Variants in SGCZ observed in about 807,000 individuals in gnomAD.
SGCZ encodes sarcoglycan zeta.
In SGCZ, 40 loss-of-function variants were observed where a neutral mutation model predicts 41.3. The observed-to-expected ratio is 0.97, with a 90% confidence interval of 0.75 to 1.26. The LOEUF (loss-of-function observed/expected upper bound fraction) is 1.26. Ranked by LOEUF, SGCZ falls within the 50% of genes most tolerant of loss-of-function variation. The probability of loss-of-function intolerance (pLI) is 0.00; values close to 1 mark genes in which losing one functional copy is unlikely to be tolerated. For synonymous variants in SGCZ, 206 were observed against 137.5 expected, an observed-to-expected ratio of 1.50 and a Z score of -3.49; for missense variants, 552 against 369.8, an observed-to-expected ratio of 1.49 and a Z score of -4.04.
intron 4 of SGCZ, among the ~76,000 whole-genome samples, chr8:14,219,086 G>A (rs1806099718): frequency 6.6e-6 from 1 of 152,222 alleles, no homozygotes; most frequent in Non-Finnish European, 1.5e-5. Context: ...CTTTTGAAGT[G>A]CCCTCTTACT....
chr8:14,443,131 C>T (rs1319565646), intron 2 of SGCZ, among the ~76,000 whole-genome samples: 1 of 151,266 alleles, frequency 6.6e-6, no homozygotes, highest in African/African-American at 2.4e-5. Flanking sequence ...TCAAGGAGAA[C>T]CACAAACCAC....
intron 1 of SGCZ, among the ~76,000 whole-genome samples, chr8:14,785,956 T>C (rs910901571): frequency 9.9e-5 from 15 of 151,974 alleles, no homozygotes; most frequent in Admixed American, 6.6e-4. Context: ...AAAAAACTTA[T>C]CTCCAAAAAA....
chr8:14,099,234 G>T (rs781388406), intron 7 of SGCZ, among the ~76,000 whole-genome samples: 2 of 152,094 alleles, frequency 1.3e-5, no homozygotes, highest in Non-Finnish European at 2.9e-5. Context: ...CAGTGACGCT[G>T]TTCACTTTCC....
intron 4 of SGCZ, among the ~76,000 whole-genome samples, chr8:14,181,919 T>C (rs995816201): frequency 6.6e-6 from 1 of 152,198 alleles, no homozygotes; most frequent in African/African-American, 2.4e-5. Context: ...CACCTTAAAT[T>C]ATTTGTTAAC....
chr8:15,184,052 TA>T (rs1385669398), intron 1 of SGCZ, among the ~76,000 whole-genome samples: 3 of 152,188 alleles, frequency 2.0e-5, no homozygotes, highest in African/African-American at 7.2e-5. Context: ...AGTGCTGAAA[TA>T]ATATATTTTT....
rs62498390 is a variant in SGCZ, at chr8:14,506,731, G to A, written c.234+48001C>T. On this transcript the variant is annotated intron_variant, in intron 2 of 7. Transcript: ENST00000382080. ...TGGCTTTTATGTTACTAAATTGAATGGTCCATCTCAGCGTTCTTTTTTTAT... is the reference window on the plus strand; with the variant it reads ...TGGCTTTTATGTTACTAAATTGAATAGTCCATCTCAGCGTTCTTTTTTTAT... Among the ~76,000 whole-genome samples, 881 of 152,228 alleles carry A rather than the reference G, an allele frequency of 5.8e-3. 9 individuals carry two copies. The highest frequency in any genetic ancestry group is 0.02 in the South Asian group (97 of 4,828).
intron 4 of SGCZ, among the ~76,000 whole-genome samples, chr8:14,231,421 A>G (rs969552): frequency 0.99 from 151,274 of 152,062 alleles, 75,251 homozygotes; most frequent in East Asian, 1. Context: ...TTTCAGAAAC[A>G]AACAGGTCCA....
At chr8:14,730,904 T>G (rs1255704458) in intron 1 of SGCZ, among the ~76,000 whole-genome samples, 2 of 151,810 alleles carry the variant, frequency 1.3e-5, no homozygotes, top group African/African-American at 4.9e-5. Context: ...GGACAGGATG[T>G]GGAGAAAGAG....
At chr8:14,117,226 G>A (rs1802550484) in intron 5 of SGCZ, among the ~76,000 whole-genome samples, 1 of 152,064 alleles carries the variant, frequency 6.6e-6, no homozygotes, top group Non-Finnish European at 1.5e-5. Context: ...CTTCTGATAA[G>A]TCAGAGGTAA....
Position 15,197,531 on chromosome 8 carries a change from C to T in SGCZ, c.39+40054G>A, listed in dbSNP as rs472685. Among the ~76,000 whole-genome samples, 410 of 152,184 alleles carry T rather than the reference C, an allele frequency of 2.7e-3. 3 individuals are homozygous for T. Among genetic ancestry groups the T allele is most frequent in the African/African-American group, 9.2e-3 (383 of 41,518 alleles). ...AATTCTCAGTTGCAAATAATAGAAACTGAAGCAGAAAGGAATTTATTGGAA... is the reference window on the plus strand; with the variant it reads ...AATTCTCAGTTGCAAATAATAGAAATTGAAGCAGAAAGGAATTTATTGGAA... On this transcript the variant is annotated intron_variant, in intron 1 of 7. Transcript: ENST00000382080.
chr8:14,763,556 T>C (rs561264071), intron 1 of SGCZ, among the ~76,000 whole-genome samples: 2 of 152,274 alleles, frequency 1.3e-5, no homozygotes, highest in Non-Finnish European at 2.9e-5. Context: ...AGTGTCTTTA[T>C]TATTCAAAAA....
Position 14,938,269 on chromosome 8 carries a change from A to T in SGCZ, c.39+299316T>A, listed in dbSNP as rs1039962548. Reference sequence around the variant, plus strand: ...TAGAGGAAGATATGGATTCAAAAATAAATATGCAGTTGGCCCTTGAACAAC... The same window carrying T: ...TAGAGGAAGATATGGATTCAAAAATTAATATGCAGTTGGCCCTTGAACAAC... On this transcript the variant is annotated intron_variant, in intron 1 of 7. Transcript: ENST00000382080. Among the ~76,000 whole-genome samples, 3 of 152,276 alleles carry T rather than the reference A, an allele frequency of 2.0e-5. No individual in the cohort carries two copies. In the East Asian group the frequency reaches 5.8e-4, roughly 29 times the overall value.
chr8:14,576,745 C>T (rs111862152), intron 1 of SGCZ, among the ~76,000 whole-genome samples: 1 of 152,134 alleles, frequency 6.6e-6, no homozygotes, highest in Non-Finnish European at 1.5e-5. Context: ...CATTCAACAT[C>T]AGTGGAAGAA....
intron 1 of SGCZ, among the ~76,000 whole-genome samples, chr8:14,958,631 A>C (rs1436039650): frequency 1.3e-5 from 2 of 152,124 alleles, no homozygotes; most frequent in African/African-American, 2.4e-5. Context: ...TCTCAATAGG[A>C]GTTTGAGTAA....
Position 15,156,961 on chromosome 8 carries a change from A to AAAAG in SGCZ, c.39+80620_39+80623dup, listed in dbSNP as rs1554468049. Reference sequence around the variant, plus strand: ...CTCTGTCTCAAAAAAAAAAAAAAAGAAAAGAAAAAGAAAGAAAGAGAAAAG... The same window carrying AAAAG: ...CTCTGTCTCAAAAAAAAAAAAAAAGAAAAGAAAGAAAAAGAAAGAAAGAGAAAAG... On this transcript the variant is annotated intron_variant, in intron 1 of 7. Transcript: ENST00000382080. 3.4e-3 allele frequency among the ~76,000 whole-genome samples: 508 copies of AAAAG among 150,468 alleles called. 3 individuals are homozygous for AAAAG. Among genetic ancestry groups the AAAAG allele is most frequent in the African/African-American group, 0.012 (490 of 40,844 alleles).
chr8:14,193,985 T>A (rs1365255689), intron 4 of SGCZ, among the ~76,000 whole-genome samples: 1 of 151,838 alleles, frequency 6.6e-6, no homozygotes, highest in East Asian at 1.9e-4. Context: ...ATAACTAGAA[T>A]TTCAAATTAT....
At chr8:14,388,029 G>T (rs929703031) in intron 2 of SGCZ, among the ~76,000 whole-genome samples, 5 of 152,136 alleles carry the variant, frequency 3.3e-5, no homozygotes, top group African/African-American at 1.2e-4. Context: ...AACACACAAG[G>T]TGACTGTGCA....
At chr8:14,652,035 C>T (rs1251287962) in intron 1 of SGCZ, among the ~76,000 whole-genome samples, 4 of 151,960 alleles carry the variant, frequency 2.6e-5, no homozygotes, top group African/African-American at 9.7e-5. Flanking sequence ...TTCTCTGTGG[C>T]TCACTTTTTC....
intron 1 of SGCZ, among the ~76,000 whole-genome samples, chr8:14,874,995 C>A (rs146485678): frequency 6.6e-6 from 1 of 152,162 alleles, no homozygotes; most frequent in Non-Finnish European, 1.5e-5. Context: ...GGACTCAGAT[C>A]TTCCTGGAGA....
Sources: gnomAD v4.1 joint callset for allele counts (sites outside exome capture counted in the v4.1 genomes callset) on GRCh38, gnomAD v4.1.1 for gene constraint, MANE v1.5 for transcripts, NCBI Gene and HGNC (gene_info 2026-07-23, HGNC 2026-07-21) for gene names.